MACROD2: variants seen among roughly 807,000 people sequenced by gnomAD.
MACROD2 encodes the protein ADP-ribose glycohydrolase MACROD2.
MACROD2 carries 36 observed loss-of-function variants against 70.4 expected under a neutral mutation model. The ratio of observed to expected loss-of-function variants is 0.51; its 90% confidence interval spans 0.39 to 0.68. MACROD2 has a LOEUF of 0.68. Among genes scored for constraint, MACROD2 ranks in the 30% least tolerant of loss-of-function variants. The pLI is 0.00. For missense variants in MACROD2, 496 were observed against 538.4 expected, an observed-to-expected ratio of 0.92 and a Z score of 0.78; for synonymous variants, 172 against 178.8, an observed-to-expected ratio of 0.96 and a Z score of 0.30.
chr20:14,617,553 T>C (rs941088124), intron 4 of MACROD2, among the ~76,000 whole-genome samples: 3 of 152,174 alleles, frequency 2.0e-5, no homozygotes, highest in African/African-American at 7.2e-5. Flanking sequence ...AATGTTCTTT[T>C]ATCTGCAGAC....
At chr20:15,511,942 C>A (rs2047505579) in intron 8 of MACROD2, among the ~76,000 whole-genome samples, 1 of 152,182 alleles carries the variant, frequency 6.6e-6, no homozygotes, top group Non-Finnish European at 1.5e-5. Flanking sequence ...TTGAAAATTT[C>A]TTCAGGTAGT....
intron 8 of MACROD2, among the ~76,000 whole-genome samples, chr20:15,805,835 GA>G (rs1568571393): frequency 6.6e-6 from 1 of 152,076 alleles, no homozygotes; most frequent in Admixed American, 6.5e-5. Context: ...GATGTTGACT[GA>G]GTTGGTAATG....
chr20:14,937,866 C>T (rs1466600518), intron 5 of MACROD2, among the ~76,000 whole-genome samples: 3 of 152,070 alleles, frequency 2.0e-5, no homozygotes, highest in Non-Finnish European at 4.4e-5. Context: ...CTCTAGTAAC[C>T]ACCAATCTAC....
At chr20:14,025,626 T>C (rs1300676139) in intron 2 of MACROD2, among the ~76,000 whole-genome samples, 2 of 152,212 alleles carry the variant, frequency 1.3e-5, no homozygotes, top group African/African-American at 2.4e-5. Flanking sequence ...AGGAGCAGGT[T>C]GTTTAGTTTC....
intron 6 of MACROD2, among the ~76,000 whole-genome samples, chr20:15,339,253 T>A (rs2078081654): frequency 6.6e-6 from 1 of 151,870 alleles, no homozygotes. Flanking sequence ...TTAATAGAAT[T>A]TTATCTATCA....
At position 15,688,770 on chromosome 20, in the gene MACROD2, T is replaced by C. The variant is rs1391547331; in HGVS notation, c.646-173975T>C. 3.3e-5 allele frequency among the ~76,000 whole-genome samples: 5 copies of C among 152,216 alleles called. 1 individual carries two copies. Among genetic ancestry groups the C allele is most frequent in the Non-Finnish European group, 7.3e-5 (5 of 68,046 alleles). ...CTTTTTCAGTGGGTCCTATGCCATA[T>C]GAATGTGAAGAGGCAAGGGCAAGGA... On this transcript the variant is annotated intron_variant, in intron 8 of 17. Transcript: ENST00000684519.
chr20:15,924,452 A>G (rs545430112), intron 10 of MACROD2, among the ~76,000 whole-genome samples: 1 of 152,356 alleles, frequency 6.6e-6, no homozygotes, highest in East Asian at 1.9e-4. Flanking sequence ...TACTCCTTTC[A>G]TCCAGCAAAA....
chr20:14,935,556 C>T (rs767249046), intron 5 of MACROD2, among the ~76,000 whole-genome samples: 30 of 152,170 alleles, frequency 2.0e-4, no homozygotes, highest in Non-Finnish European at 3.5e-4. Context: ...ATGTGCTGGA[C>T]ACCTTTTTAG....
Position 15,005,511 on chromosome 20 carries a change from A to G in MACROD2, c.419-224429A>G, listed in dbSNP as rs560854469. On this transcript the variant is annotated intron_variant, in intron 5 of 17. Coordinates refer to ENST00000684519, the MANE Select transcript of MACROD2 (RefSeq NM_001351661.2). Reference sequence around the variant, plus strand: ...TGGAGAGCTGTTTCACATACCACGCATTTTAATTTTCAAAGAGTAACCTTT... The same window carrying G: ...TGGAGAGCTGTTTCACATACCACGCGTTTTAATTTTCAAAGAGTAACCTTT... 7.6e-4 allele frequency among the ~76,000 whole-genome samples: 116 copies of G among 152,298 alleles called. 1 individual carries two copies. The highest frequency in any genetic ancestry group is 3.4e-3 in the Middle Eastern group (1 of 294).
intron 7 of MACROD2, among the ~76,000 whole-genome samples, chr20:15,461,006 A>ATATATATATATT: frequency 1.8e-4 from 12 of 67,012 alleles, no homozygotes; most frequent in Non-Finnish European, 2.3e-4. Flanking sequence ...ATATATATAT[A>ATATATATATATT]TTTTTTTTTA....
At chr20:14,219,537 C>G (rs1042659994) in intron 3 of MACROD2, among the ~76,000 whole-genome samples, 1 of 152,132 alleles carries the variant, frequency 6.6e-6, no homozygotes, top group African/African-American at 2.4e-5. Flanking sequence ...TCGAGTAAAG[C>G]AGGGATTTCT....
At chr20:15,909,166 C>A (rs2065194603) in intron 10 of MACROD2, among the ~76,000 whole-genome samples, 1 of 152,202 alleles carries the variant, frequency 6.6e-6, no homozygotes, top group Non-Finnish European at 1.5e-5. Context: ...GCTGGAAGAA[C>A]TGGAGCTCTT....
chr20:15,340,804 T>C (rs1486827737), intron 6 of MACROD2, among the ~76,000 whole-genome samples: 3 of 152,078 alleles, frequency 2.0e-5, no homozygotes, highest in African/African-American at 7.2e-5. Context: ...ATGCTTACTA[T>C]TCTCCTTCTG....
At chr20:14,289,360 T>C (rs2082367850) in intron 3 of MACROD2, among the ~76,000 whole-genome samples, 2 of 152,336 alleles carry the variant, frequency 1.3e-5, no homozygotes, top group Non-Finnish European at 2.9e-5. Flanking sequence ...AAAGTAACCC[T>C]TGCTCACTGT....
chr20:15,851,361 A>C (rs1330623294), intron 8 of MACROD2, among the ~76,000 whole-genome samples: 1 of 151,576 alleles, frequency 6.6e-6, no homozygotes, highest in African/African-American at 2.4e-5. Flanking sequence ...ACAGAAATTT[A>C]TTTTCTCATA....
chr20:14,343,054 G>A (rs1343858186), intron 3 of MACROD2, among the ~76,000 whole-genome samples: 3 of 151,954 alleles, frequency 2.0e-5, no homozygotes, highest in Non-Finnish European at 2.9e-5. Flanking sequence ...TAAAAGTCAC[G>A]GGGTGTGGCA....
chr20:14,169,309 T>G (rs547542091), intron 3 of MACROD2, among the ~76,000 whole-genome samples: 723 of 149,650 alleles, frequency 4.8e-3, no homozygotes, highest in East Asian at 0.012. Context: ...TACTTTTTTT[T>G]GGGGGGGGGC....
chr20:14,689,401 G>C (rs1167483773), intron 5 of MACROD2, among the ~76,000 whole-genome samples: 1 of 152,026 alleles, frequency 6.6e-6, no homozygotes, highest in Non-Finnish European at 1.5e-5. Context: ...TATTCATATA[G>C]CTTAAAAAAT....
intron 3 of MACROD2, among the ~76,000 whole-genome samples, chr20:14,168,487 C>CATGGAA: frequency 6.6e-6 from 1 of 152,280 alleles, no homozygotes; most frequent in Non-Finnish European, 1.5e-5. Flanking sequence ...CATACCCCTA[C>CATGGAA]ACAGAGGTTT....
Sources: allele counts gnomAD v4.1 joint callset (sites outside exome capture counted in the v4.1 genomes callset), GRCh38; gene constraint gnomAD v4.1.1; transcripts MANE v1.5; gene names NCBI Gene and HGNC (gene_info 2026-07-23, HGNC 2026-07-21).